Variants in R3HDM2 observed in about 807,000 individuals in gnomAD.
The protein encoded by R3HDM2 is R3H domain containing 2.
In R3HDM2, 38 loss-of-function variants were observed where a neutral mutation model predicts 124.5. That is an observed-to-expected ratio of 0.31 (90% CI 0.24 to 0.40). The LOEUF (loss-of-function observed/expected upper bound fraction) is 0.40. R3HDM2 is among the 10% of genes least tolerant of loss of function. The pLI, the probability that R3HDM2 is intolerant of heterozygous loss-of-function variation, is 1.00. For synonymous variants in R3HDM2, 391 were observed against 448.0 expected (o/e 0.87, Z 1.61); for missense variants, 869 against 1,236.9 (o/e 0.70, Z 4.46).
chr12:57,409,530 A>G (rs1255213696), intron 1 of R3HDM2, among the ~76,000 whole-genome samples: 1 of 151,654 alleles, frequency 6.6e-6, no homozygotes, highest in African/African-American at 2.4e-5. Flanking sequence ...AAAAAAGAAA[A>G]AGAAAAAAAA....
At chr12:57,427,714 A>G (rs947278113) in intron 1 of R3HDM2, among the ~76,000 whole-genome samples, 33 of 152,152 alleles carry the variant, frequency 2.2e-4, no homozygotes, top group African/African-American at 7.7e-4. Flanking sequence ...GGGTTAAGGC[A>G]GAAAATAAAG....
At chr12:57,284,103 CA>C (rs1456437261) in intron 12 of R3HDM2, 47 bp from the exon 13 acceptor site, 9 of 1,475,826 alleles carry the variant, frequency 6.1e-6, no homozygotes, top group Non-Finnish European at 8.4e-6. Context: ...ACCACTTTAG[CA>C]GAAGGGCTAG....
intron 12 of R3HDM2, among the ~76,000 whole-genome samples, chr12:57,285,698 T>C (rs1300122820): frequency 1.3e-5 from 2 of 152,018 alleles, no homozygotes; most frequent in Non-Finnish European, 2.9e-5. Context: ...AATGAGTGTG[T>C]TTGTGGGGTA....
chr12:57,300,044 C>G, intron 5 of R3HDM2, 51 bp downstream of exon 5: 1 of 1,376,488 alleles, frequency 7.3e-7, no homozygotes, highest in African/African-American at 1.4e-5. Context: ...CTACATCTTA[C>G]CAAACAACTG....
chr12:57,322,438 G>A (rs1216322072), intron 2 of R3HDM2, among the ~76,000 whole-genome samples: 1 of 152,090 alleles, frequency 6.6e-6, no homozygotes, highest in African/African-American at 2.4e-5. Flanking sequence ...TTGGGAATTA[G>A]GAGAAAATGA....
chr12:57,356,471 T>C (rs1191144848), intron 2 of R3HDM2, among the ~76,000 whole-genome samples: 1 of 152,222 alleles, frequency 6.6e-6, no homozygotes, highest in Non-Finnish European at 1.5e-5. Context: ...CCTTTTCACA[T>C]ATCGTTGGCT....
At chr12:57,339,514 A>C (rs2136921227) in intron 2 of R3HDM2, among the ~76,000 whole-genome samples, 1 of 152,004 alleles carries the variant, frequency 6.6e-6, no homozygotes, top group African/African-American at 2.4e-5. Flanking sequence ...CCTGGCCAAC[A>C]TGGTGAAACC....
Position 57,415,595 on chromosome 12 carries a change from A to G in R3HDM2, c.-106+15125T>C, listed in dbSNP as rs888355553. ...GCCAGGGGTGGAAAAAAAAAAAAAAAGCAGAAAGATTCCTTTACAATGAAG... is the reference window on the plus strand; with the variant it reads ...GCCAGGGGTGGAAAAAAAAAAAAAAGGCAGAAAGATTCCTTTACAATGAAG... On this transcript the variant is annotated intron_variant, in intron 1 of 23. Transcript: ENST00000402412. Among the ~76,000 whole-genome samples the G allele has an allele frequency of 4.3e-4, 59 of 136,748 alleles. 1 individual carries two copies. In the East Asian group the frequency reaches 8.9e-3, roughly 21 times the overall value. 89.7% of individuals were successfully genotyped at this position (136,748 alleles called of 152,430 possible). A position where few individuals can be genotyped will look rare whatever the true frequency, so the allele number is the denominator to read the frequency against.
intron 2 of R3HDM2, among the ~76,000 whole-genome samples, chr12:57,331,558 T>C (rs759603033): frequency 6.6e-6 from 1 of 152,084 alleles, no homozygotes; most frequent in Non-Finnish European, 1.5e-5. Flanking sequence ...GTGCCTGGCA[T>C]ATAATAAGTA....
chr12:57,332,246 C>T (rs967205623), intron 2 of R3HDM2, among the ~76,000 whole-genome samples: 3 of 150,212 alleles, frequency 2.0e-5, no homozygotes, highest in African/African-American at 4.9e-5. Flanking sequence ...CCTGTCTCTA[C>T]AAAAATAAAA....
chr12:57,368,315 C>T (rs778123275), intron 2 of R3HDM2, among the ~76,000 whole-genome samples: 2 of 152,254 alleles, frequency 1.3e-5, no homozygotes, highest in South Asian at 4.1e-4. Flanking sequence ...CTTAGTTAGG[C>T]CTAACACTTC....
intron 12 of R3HDM2, among the ~76,000 whole-genome samples, chr12:57,284,807 C>G (rs1319214237): frequency 6.6e-6 from 1 of 152,216 alleles, no homozygotes; most frequent in Non-Finnish European, 1.5e-5. Flanking sequence ...ATAATCCTAT[C>G]TCCCTAAGCA....
At chr12:57,400,747 ATAAC>A (rs933969869) in intron 1 of R3HDM2, among the ~76,000 whole-genome samples, 5 of 152,142 alleles carry the variant, frequency 3.3e-5, no homozygotes, top group African/African-American at 1.2e-4. Flanking sequence ...GTAACTCTCT[ATAAC>A]TAACAAGCCA....
intron 1 of R3HDM2, among the ~76,000 whole-genome samples, chr12:57,400,052 T>C (rs187112579): frequency 1.3e-5 from 2 of 152,278 alleles, no homozygotes; most frequent in East Asian, 3.9e-4. Flanking sequence ...GAACTAGAAA[T>C]ACCATTTGAC....
intron 3 of R3HDM2, among the ~76,000 whole-genome samples, chr12:57,306,139 T>G (rs2138914033): frequency 6.6e-6 from 1 of 152,234 alleles, no homozygotes; most frequent in South Asian, 2.1e-4. Context: ...AATTTTCAGC[T>G]CCTATTTATA....
Position 57,254,664 on chromosome 12 carries a change from T to C in R3HDM2, c.*109A>G. 1.0e-6 allele frequency: 1 copy of C among 975,356 alleles called. No homozygotes were observed. The highest frequency in any genetic ancestry group is 1.7e-5 in the South Asian group (1 of 57,624). 60.4% of individuals were successfully genotyped at this position (975,356 alleles called of 1,614,324 possible). A position where few individuals can be genotyped will look rare whatever the true frequency, so the allele number is the denominator to read the frequency against. ...TTCATCACTGTCTTAGGTTCCAGTT[T>C]AACATCAGTTTCCTTACTTCCTGCC... On this transcript the variant is annotated 3_prime_UTR_variant, in exon 24 of 24. Coordinates refer to ENST00000402412, the MANE Select transcript of R3HDM2 (RefSeq NM_001394031.1).
intron 1 of R3HDM2, among the ~76,000 whole-genome samples, chr12:57,408,322 C>T (rs1186064653): frequency 6.6e-5 from 10 of 152,224 alleles, no homozygotes; most frequent in African/African-American, 2.4e-4. Context: ...CCACTTCGGA[C>T]TCCCAAAGTG....
At chr12:57,429,191 A>T (rs1868942015) in intron 1 of R3HDM2, among the ~76,000 whole-genome samples, 1 of 151,858 alleles carries the variant, frequency 6.6e-6, no homozygotes, top group Non-Finnish European at 1.5e-5. Context: ...GTTCAAAACC[A>T]GCCTGGGCAA....
chr12:57,264,712 AG>A (rs1431380174), intron 19 of R3HDM2, among the ~76,000 whole-genome samples: 1 of 151,146 alleles, frequency 6.6e-6, no homozygotes, highest in East Asian at 1.9e-4. Flanking sequence ...AGATCACTGC[AG>A]CCTCAAACAC....
Sources: gnomAD v4.1 joint callset for allele counts (sites outside exome capture counted in the v4.1 genomes callset) on GRCh38, gnomAD v4.1.1 for gene constraint, MANE v1.5 for transcripts, NCBI Gene and HGNC (gene_info 2026-07-23, HGNC 2026-07-21) for gene names.